The following OXSR1 variants were observed in gnomAD, a reference collection of about 807,000 sequenced individuals.
OXSR1 encodes serine/threonine-protein kinase OSR1.
Under a neutral mutation model 79.8 loss-of-function variants are expected in OXSR1, and 24 were observed. That is an observed-to-expected ratio of 0.30 (90% CI 0.22 to 0.42). OXSR1 has a LOEUF of 0.42. OXSR1 is among the 10% of genes least tolerant of loss of function. The probability of loss-of-function intolerance (pLI) is 1.00; values close to 1 mark genes in which losing one functional copy is unlikely to be tolerated. For missense variants in OXSR1, 430 were observed against 618.4 expected, an observed-to-expected ratio of 0.70 and a Z score of 3.23; for synonymous variants, 226 against 209.2, an observed-to-expected ratio of 1.08 and a Z score of -0.69.
intron 1 of OXSR1, among the ~76,000 whole-genome samples, chr3:38,174,574 A>G (rs566775223): frequency 2.0e-5 from 3 of 152,190 alleles, no homozygotes; most frequent in African/African-American, 7.2e-5. Flanking sequence ...AGAATGAGAC[A>G]CTGTCTCAAA....
At position 38,165,718 on chromosome 3, in the gene OXSR1, G is replaced by C. The variant is rs1436302137; in HGVS notation, c.-159G>C. On this transcript the variant is annotated 5_prime_UTR_variant, in exon 1 of 18. Transcript: ENST00000311806. ...AGCCCCCGCTGCTCTGCCGCGCGGT[G>C]ACCCCGCGCCCCGGCGCCGTCCGAC... 1 of 603,942 alleles carries C rather than the reference G, an allele frequency of 1.7e-6. No individual in the cohort carries two copies. The highest frequency in any genetic ancestry group is 2.0e-5 in the African/African-American group (1 of 50,654). The allele number at this position is 603,942 out of a possible 1,614,324, so 37.4% of individuals were successfully genotyped here.
intron 2 of OXSR1, among the ~76,000 whole-genome samples, chr3:38,185,926 C>T (rs1055690337): frequency 9.0e-6 from 1 of 111,178 alleles, no homozygotes; most frequent in Admixed American, 1.4e-4. Flanking sequence ...GCCTGGGTGA[C>T]ACAGAGTGAG....
chr3:38,254,784 T>G lies in OXSR1; in HGVS notation c.*1893T>G, dbSNP rs990601361. 4.6e-5 allele frequency: 7 copies of G among 152,162 alleles called. No individual in the cohort carries two copies. Among genetic ancestry groups the G allele is most frequent in the African/African-American group, 1.7e-4 (7 of 41,310 alleles). 9.4% of individuals were successfully genotyped at this position (152,162 alleles called of 1,614,324 possible). A position where few individuals can be genotyped will look rare whatever the true frequency, so the allele number is the denominator to read the frequency against. Reference sequence around the variant, plus strand: ...AATCCAAGGGGTGGCAGCATCACTCTGTTCTAGCATTCTTTGTGGAGATGG... The same window carrying G: ...AATCCAAGGGGTGGCAGCATCACTCGGTTCTAGCATTCTTTGTGGAGATGG... On this transcript the variant is annotated 3_prime_UTR_variant, in exon 18 of 18. Coordinates refer to ENST00000311806, the MANE Select transcript of OXSR1 (RefSeq NM_005109.3).
chr3:38,178,758 A>G (rs944831462), intron 1 of OXSR1, among the ~76,000 whole-genome samples: 14 of 151,478 alleles, frequency 9.2e-5, no homozygotes, highest in Middle Eastern at 6.9e-3. Context: ...GTCTATAGGC[A>G]TGAGCCACCA....
At chr3:38,166,064 G>C (rs528044589) in intron 1 of OXSR1, 118 bp downstream of exon 1, 1 of 913,110 alleles carries the variant, frequency 1.1e-6, no homozygotes, top group Non-Finnish European at 1.7e-6. Context: ...TGGGGCGCTT[G>C]TGGGGCTGGG....
At position 38,198,804 on chromosome 3, in the gene OXSR1, G is replaced by C. The variant is rs759341067; in HGVS notation, c.375G>C (p.Thr125=). 1 of 1,613,170 alleles carries C rather than the reference G, an allele frequency of 6.2e-7. No homozygotes were observed. Among genetic ancestry groups the C allele is most frequent in the African/African-American group, 1.3e-5 (1 of 74,880 alleles). Residue 125 remains threonine, a synonymous_variant, in exon 4 of 18, where the codon ACG becomes ACC. Transcript: ENST00000311806. ...SGVLDESTIA[T]ILREVLEGLE... ...TCCTAGATGAATCTACCATTGCTAC[G>C]ATACTCCGAGAAGTACTGGAAGGGC...
chr3:38,229,497 T>G (rs1370148964), intron 8 of OXSR1, among the ~76,000 whole-genome samples, 190 bp from the exon 9 acceptor site: 10 of 152,112 alleles, frequency 6.6e-5, no homozygotes, highest in Non-Finnish European at 4.4e-5. Flanking sequence ...TTGTTTTGAG[T>G]TTTTTATTTT....
chr3:38,234,733 C>T (rs144508313), intron 10 of OXSR1, among the ~76,000 whole-genome samples: 9 of 152,242 alleles, frequency 5.9e-5, no homozygotes, highest in Admixed American at 5.9e-4. Flanking sequence ...CAGTTCTACT[C>T]CTAGGCACAC....
Position 38,254,230 on chromosome 3 carries a change from C to G in OXSR1, c.*1339C>G. 2 of 398,934 alleles carry G rather than the reference C, an allele frequency of 5.0e-6. No individual in the cohort carries two copies. Among genetic ancestry groups the G allele is most frequent in the East Asian group, 3.6e-5 (1 of 28,078 alleles). The allele number at this position is 398,934 out of a possible 1,614,324, so 24.7% of individuals were successfully genotyped here. A position where few individuals can be genotyped will look rare whatever the true frequency, so the allele number is the denominator to read the frequency against. On this transcript the variant is annotated 3_prime_UTR_variant, in exon 18 of 18. Coordinates refer to ENST00000311806, the MANE Select transcript of OXSR1 (RefSeq NM_005109.3). ...GGGAGAGTTGCCCTTTACAGAATCA[C>G]TCGAGCCCTTTCCAGCACTGTTGGT... is the stretch of plus-strand genomic sequence containing the variant.
At chr3:38,181,165 G>A (rs1701778427) in intron 1 of OXSR1, among the ~76,000 whole-genome samples, 1 of 150,440 alleles carries the variant, frequency 6.6e-6, no homozygotes, top group Non-Finnish European at 1.5e-5. Flanking sequence ...TTTAGATAGA[G>A]CAAACTGTTA....
chr3:38,209,764 C>T (rs1004209290), intron 4 of OXSR1, among the ~76,000 whole-genome samples: 1 of 151,868 alleles, frequency 6.6e-6, no homozygotes, highest in African/African-American at 2.4e-5. Flanking sequence ...GCTGGGACTA[C>T]AGGCGCCTGC....
At chr3:38,206,177 A>C (rs1702260856) in intron 4 of OXSR1, among the ~76,000 whole-genome samples, 1 of 152,112 alleles carries the variant, frequency 6.6e-6, no homozygotes, top group Admixed American at 6.5e-5. Context: ...TATTAATCTT[A>C]CTTTGCTGGT....
intron 1 of OXSR1, among the ~76,000 whole-genome samples, chr3:38,180,808 A>G (rs1425761017): frequency 6.6e-6 from 1 of 152,074 alleles, no homozygotes; most frequent in Non-Finnish European, 1.5e-5. Flanking sequence ...TGCTGGGATT[A>G]TAGGCATGAG....
intron 1 of OXSR1, among the ~76,000 whole-genome samples, chr3:38,173,721 A>G (rs73827635): frequency 1.1e-3 from 172 of 152,294 alleles, no homozygotes; most frequent in African/African-American, 4.1e-3. Context: ...ATACCCCACT[A>G]TGTGATTAAT....
intron 1 of OXSR1, 39 bp from the exon 2 acceptor site, chr3:38,182,964 T>A (rs771992039): frequency 9.6e-7 from 1 of 1,042,374 alleles, no homozygotes; most frequent in East Asian, 2.4e-5. Flanking sequence ...TTTTTATATA[T>A]CCATCTACTT....
chr3:38,239,895 A>G (rs144548063), intron 11 of OXSR1, among the ~76,000 whole-genome samples: 1 of 152,284 alleles, frequency 6.6e-6, no homozygotes, highest in Non-Finnish European at 1.5e-5. Flanking sequence ...GTATGTAGGG[A>G]CAAGGCCCAC....
Position 38,236,949 on chromosome 3 carries a change from T to C in OXSR1, c.1062T>C (p.Ile354=). 1 of 1,611,868 alleles carries C rather than the reference T, an allele frequency of 6.2e-7. No individual in the cohort carries two copies. Among genetic ancestry groups the C allele is most frequent in the Non-Finnish European group, 8.5e-7 (1 of 1,178,604 alleles). Reference sequence around the variant, plus strand: ...AAAGTGAGGAAGGGAAAGCAGCAATTTCACAACTCAGGGTAAATTTTATTA... The same window carrying C: ...AAAGTGAGGAAGGGAAAGCAGCAATCTCACAACTCAGGGTAAATTTTATTA... ...DEESEEGKAA[I]SQLRSPRVKE... is the part of the protein sequence containing the mutation. The change falls in exon 11 of 18, where the codon ATT becomes ATC. Residue 354 remains isoleucine, a synonymous_variant. Coordinates refer to ENST00000311806, the MANE Select transcript of OXSR1 (RefSeq NM_005109.3).
upstream of OXSR1, among the ~76,000 whole-genome samples, chr3:38,164,199 C>G (rs1328389883): frequency 6.6e-6 from 1 of 152,186 alleles, no homozygotes; most frequent in Non-Finnish European, 1.5e-5. Flanking sequence ...GTGTCTCCGT[C>G]TGTTGCCCAG....
chr3:38,192,645 T>G (rs1410108855), intron 3 of OXSR1, among the ~76,000 whole-genome samples: 1 of 152,236 alleles, frequency 6.6e-6, no homozygotes, highest in Non-Finnish European at 1.5e-5. Context: ...ATTCTTAGAA[T>G]AAAATATAAA....
Sources: allele counts gnomAD v4.1 joint callset (sites outside exome capture counted in the v4.1 genomes callset), GRCh38; gene constraint gnomAD v4.1.1; transcripts MANE v1.5; gene names NCBI Gene and HGNC (gene_info 2026-07-23, HGNC 2026-07-21).